CSMD1: variants seen among roughly 807,000 people sequenced by gnomAD.
The protein encoded by CSMD1 is CUB and sushi domain-containing protein 1.
CSMD1 carries 213 observed loss-of-function variants against 417.5 expected under a neutral mutation model. The ratio of observed to expected loss-of-function variants is 0.51; its 90% CI spans 0.46 to 0.57. The LOEUF is 0.57. Among genes scored for constraint, CSMD1 ranks in the 20% least tolerant of loss-of-function variants. CSMD1 has a pLI of 0.00. For missense variants in CSMD1, 6,923 were observed against 4,529.7 expected, an observed-to-expected ratio of 1.53 and a Z score of -15.17; for synonymous variants, 2,862 against 1,736.8, an observed-to-expected ratio of 1.65 and a Z score of -16.11.
intron 41 of CSMD1, among the ~76,000 whole-genome samples, chr8:3,134,564 G>T (rs1459406082): frequency 6.6e-6 from 1 of 152,202 alleles, no homozygotes; most frequent in Non-Finnish European, 1.5e-5. Context: ...GCTTAGGGAT[G>T]GTCGAGTGGT....
intron 4 of CSMD1, among the ~76,000 whole-genome samples, chr8:4,009,021 C>T (rs781227020): frequency 6.6e-6 from 1 of 152,072 alleles, no homozygotes; most frequent in African/African-American, 2.4e-5. Context: ...GAATTTCCAT[C>T]AGAGTAATTA....
chr8:4,775,040 A>C (rs1563352365), intron 1 of CSMD1, among the ~76,000 whole-genome samples: 1 of 152,210 alleles, frequency 6.6e-6, no homozygotes, highest in South Asian at 2.1e-4. Flanking sequence ...TATGAACAAT[A>C]GGAAATCAAG....
chr8:3,861,233 G>A (rs183824181), intron 5 of CSMD1, among the ~76,000 whole-genome samples: 2 of 152,144 alleles, frequency 1.3e-5, no homozygotes, highest in African/African-American at 4.8e-5. Context: ...GTCGCCTGTG[G>A]GTTTCTAACG....
Position 4,850,611 on chromosome 8 carries a change from A to G in CSMD1, c.85+143721T>C, listed in dbSNP as rs1801416208. On this transcript the variant is annotated intron_variant, in intron 1 of 69. Transcript: ENST00000635120. The stretch of plus-strand genomic sequence containing the variant: ...CTTCATCCTCTCTTCCTCATCACTT[A>G]GTCTCTTTCTTTTCTCTCTATGACT... 2.6e-5 allele frequency among the ~76,000 whole-genome samples: 4 copies of G among 151,722 alleles called. No homozygotes were observed. The South Asian group carries it at 8.3e-4, about 32-fold the overall frequency.
intron 3 of CSMD1, among the ~76,000 whole-genome samples, chr8:4,034,374 G>C (rs552408082): frequency 6.6e-5 from 10 of 152,288 alleles, no homozygotes; most frequent in African/African-American, 2.4e-4. Flanking sequence ...TCTGAGAGCA[G>C]TCTACAGAAA....
intron 2 of CSMD1, among the ~76,000 whole-genome samples, chr8:4,495,763 T>C (rs938220272): frequency 8.5e-5 from 13 of 152,300 alleles, no homozygotes; most frequent in Admixed American, 6.5e-4. Flanking sequence ...CCACTAAATA[T>C]TTTAACATTC....
At chr8:3,282,440 TCATAA>T (rs1335128479) in intron 26 of CSMD1, among the ~76,000 whole-genome samples, 2 of 152,180 alleles carry the variant, frequency 1.3e-5, no homozygotes, top group Non-Finnish European at 2.9e-5. Flanking sequence ...GAACATAATC[TCATAA>T]CTTTCTCAAC....
At chr8:3,907,771 ACT>A (rs1808208891) in intron 5 of CSMD1, among the ~76,000 whole-genome samples, 1 of 151,916 alleles carries the variant, frequency 6.6e-6, no homozygotes, top group South Asian at 2.1e-4. Context: ...TAACAGACTG[ACT>A]CTTAGAATCA....
chr8:4,292,474 G>T lies in CSMD1; in HGVS notation c.415+127479C>A, dbSNP rs562679305. Among the ~76,000 whole-genome samples the T allele has an allele frequency of 2.0e-5, 3 of 152,092 alleles. No homozygotes were observed. The South Asian group carries it at 6.3e-4, about 32-fold the overall frequency. On this transcript the variant is annotated intron_variant, in intron 3 of 69. Transcript: ENST00000635120. The stretch of plus-strand genomic sequence containing the variant: ...TCACCGTGTTAGTCAGAATGGTCTC[G>T]ATCTGCTGACCTCGTAATCTGCCTG...
intron 23 of CSMD1, among the ~76,000 whole-genome samples, chr8:3,333,384 A>G (rs563331476): frequency 8.2e-6 from 1 of 121,502 alleles, no homozygotes; most frequent in African/African-American, 3.4e-5. Flanking sequence ...AAACACTTTA[A>G]AACACTTTAT....
intron 10 of CSMD1, among the ~76,000 whole-genome samples, chr8:3,521,514 G>C (rs762523272): frequency 6.6e-6 from 1 of 152,060 alleles, no homozygotes; most frequent in African/African-American, 2.4e-5. Flanking sequence ...GTATTACAAT[G>C]ATCTGCCTGA....
At chr8:3,565,217 G>GACAA (rs1799653791) in intron 10 of CSMD1, among the ~76,000 whole-genome samples, 2 of 135,278 alleles carry the variant, frequency 1.5e-5, no homozygotes, top group African/African-American at 5.5e-5. Flanking sequence ...TAGATAGAGA[G>GACAA]ATAGACAGAT....
intron 25 of CSMD1, among the ~76,000 whole-genome samples, chr8:3,304,993 A>G (rs1255688001): frequency 6.6e-6 from 1 of 152,182 alleles, no homozygotes; most frequent in East Asian, 1.9e-4. Flanking sequence ...TGGTTTTTAC[A>G]TTACTCAAAT....
At chr8:4,812,726 T>C (rs932428047) in intron 1 of CSMD1, among the ~76,000 whole-genome samples, 7 of 152,284 alleles carry the variant, frequency 4.6e-5, no homozygotes, top group East Asian at 1.9e-4. Context: ...TTAAAAGAAA[T>C]TGCCTTTCTT....
At chr8:4,343,367 A>T (rs35374179) in intron 3 of CSMD1, among the ~76,000 whole-genome samples, 13,072 of 152,088 alleles carry the variant, frequency 0.086, 660 homozygotes, top group South Asian at 0.23. Context: ...AGTGTGACTG[A>T]ATTTAATATT....
intron 1 of CSMD1, among the ~76,000 whole-genome samples, chr8:4,711,157 A>C (rs1584980502): frequency 6.8e-6 from 1 of 146,886 alleles, no homozygotes; most frequent in Non-Finnish European, 1.5e-5. Context: ...CAATTTTCTC[A>C]CAAAAAAAAA....
chr8:4,755,643 C>A (rs1811620662), intron 1 of CSMD1, among the ~76,000 whole-genome samples: 1 of 152,260 alleles, frequency 6.6e-6, no homozygotes, highest in Non-Finnish European at 1.5e-5. Flanking sequence ...CAGAATCTGC[C>A]AAACACATCT....
At chr8:3,850,422 T>A (rs887828204) in intron 5 of CSMD1, among the ~76,000 whole-genome samples, 26 of 152,206 alleles carry the variant, frequency 1.7e-4, no homozygotes, top group African/African-American at 6.3e-4. Flanking sequence ...AAGCCTGGCA[T>A]GGTGGCTCAG....
intron 5 of CSMD1, among the ~76,000 whole-genome samples, chr8:3,844,742 A>G (rs1309992089): frequency 6.6e-6 from 1 of 152,204 alleles, no homozygotes; most frequent in Non-Finnish European, 1.5e-5. Flanking sequence ...TTCCTTGACA[A>G]TGAGGTCATG....
Sources: allele counts gnomAD v4.1 joint callset (sites outside exome capture counted in the v4.1 genomes callset), GRCh38; gene constraint gnomAD v4.1.1; transcripts MANE v1.5; gene names NCBI Gene and HGNC (gene_info 2026-07-23, HGNC 2026-07-21).